C2CD2: variants seen among roughly 807,000 people sequenced by gnomAD.
The protein encoded by C2CD2 is C2 calcium dependent domain containing 2, also known as C2 domain-containing protein 2.
In C2CD2, 43 loss-of-function variants were observed where a neutral mutation model predicts 74.3. The ratio of observed to expected loss-of-function variants is 0.58; its 90% CI spans 0.45 to 0.75. The LOEUF (loss-of-function observed/expected upper bound fraction) is 0.75. Among genes scored for constraint, C2CD2 ranks in the 30% least tolerant of loss-of-function variants. The probability of loss-of-function intolerance (pLI) is 0.00; values close to 1 mark genes in which losing one functional copy is unlikely to be tolerated. For synonymous variants in C2CD2, 422 were observed against 390.7 expected, an observed-to-expected ratio of 1.08 and a Z score of -0.94; for missense variants, 801 against 916.3, an observed-to-expected ratio of 0.87 and a Z score of 1.63.
chr21:41,931,426 CTTT>C (rs34326295), intron 2 of C2CD2, among the ~76,000 whole-genome samples: 4 of 135,912 alleles, frequency 2.9e-5, no homozygotes, highest in Admixed American at 7.4e-5. Context: ...AGAAGAGTGT[CTTT>C]TTTTTTTTTT....
chr21:41,942,168 C>A lies in C2CD2; in HGVS notation c.357G>T (p.Val119=). The stretch of plus-strand genomic sequence containing the variant: ...TCACCTTCTCCTCCGCCGACCTGAG[C>A]ACGCTGGAGACCTCCTGCACCACCA... ...LELVVQEVSS[V]LRSAEEKVVV... is the part of the protein sequence containing the mutation. Residue 119 remains valine (V), a synonymous_variant, in exon 2 of 14, where the codon GTG becomes GTT. Transcript: ENST00000380486. 2 of 1,549,472 alleles carry A rather than the reference C, an allele frequency of 1.3e-6. No homozygotes were observed. The highest frequency in any genetic ancestry group is 1.7e-6 in the Non-Finnish European group (2 of 1,146,810).
rs1476696145 is a variant in C2CD2, at chr21:41,903,607, G to A, written c.1433-1858C>T. 6.6e-6 allele frequency among the ~76,000 whole-genome samples: 1 copy of A among 152,206 alleles called. No individual in the cohort carries two copies. The highest frequency in any genetic ancestry group is 2.4e-5 in the African/African-American group (1 of 41,448). On this transcript the variant is annotated intron_variant, in intron 11 of 13. Coordinates refer to ENST00000380486, the MANE Select transcript of C2CD2 (RefSeq NM_015500.2). The surrounding 1 kb of genome is among the most constrained non-coding windows in gnomAD (Gnocchi z 4.5). ...TGAGAAGAGAGAAGTGCTGGAGAAA[G>A]GAGTTGGGGAGGACTCCTTAGGAGA...
chr21:41,907,014 C>T lies in C2CD2; in HGVS notation c.1296G>A (p.Gly432=), dbSNP rs1228721053. ...CACCAGAGCTCAGCGGGGACGCCCTCCCCACGTCGACGCGAGGCTTGGTCT... is the reference window on the plus strand; with the variant it reads ...CACCAGAGCTCAGCGGGGACGCCCTTCCCACGTCGACGCGAGGCTTGGTCT... ...AVKTKPRVDV[G]RASPLSSDSP... The change falls in exon 10 of 14, where the codon GGG becomes GGA. Residue 432 remains glycine (G), a synonymous_variant. Coordinates refer to ENST00000380486, the MANE Select transcript of C2CD2 (RefSeq NM_015500.2). 2.5e-6 allele frequency: 4 copies of T among 1,613,792 alleles called. No homozygotes were observed. Among genetic ancestry groups the T allele is most frequent in the African/African-American group, 2.7e-5 (2 of 74,886 alleles).
At position 41,923,773 on chromosome 21, in the gene C2CD2, A is replaced by T. The variant is rs539735810; in HGVS notation, c.379-1688T>A. Among the ~76,000 whole-genome samples the T allele has an allele frequency of 5.8e-4, 88 of 152,272 alleles. No homozygotes were observed. Among genetic ancestry groups the T allele is most frequent in the African/African-American group, 2.1e-3 (87 of 41,530 alleles). On this transcript the variant is annotated intron_variant, in intron 2 of 13. Coordinates refer to ENST00000380486, the MANE Select transcript of C2CD2 (RefSeq NM_015500.2). The surrounding 1 kb of genome is among the most constrained non-coding windows in gnomAD (Gnocchi z 5.8). ...GAGAGAGATCTAGTTTCTGCCACAG[A>T]TTCCTCTACAGAAGCTGATGTAGAA...
In C2CD2 at chr21:41,896,971, C is replaced by A. The variant is rs151244307; in HGVS notation, c.1870+2082G>T. On this transcript the variant is annotated intron_variant, in intron 13 of 13. Coordinates refer to ENST00000380486, the MANE Select transcript of C2CD2 (RefSeq NM_015500.2). The stretch of plus-strand genomic sequence containing the variant: ...GGTAGGGGCGCAGGAGTGAAACGCA[C>A]GGCACGGCTGAGCCTCTCTGCTGCA... Among the ~76,000 whole-genome samples the A allele has an allele frequency of 7.3e-3, 1,107 of 152,322 alleles. 18 individuals carry two copies. Among genetic ancestry groups the A allele is most frequent in the African/African-American group, 0.025 (1,022 of 41,574 alleles).
intron 9 of C2CD2, 22 bp downstream of exon 9, chr21:41,907,638 G>A (rs368134887): frequency 1.1e-4 from 184 of 1,601,294 alleles, no homozygotes; most frequent in Non-Finnish European, 1.4e-4. Context: ...GAACCCGGCC[G>A]CGGCGGACAG....
intron 6 of C2CD2, among the ~76,000 whole-genome samples, 156 bp downstream of exon 6, chr21:41,914,442 G>A (rs111875643): frequency 6.6e-6 from 1 of 152,052 alleles, no homozygotes. Flanking sequence ...TCTTGTTCCC[G>A]TTACATTTTC....
At chr21:41,897,105 T>A (rs533389214) in intron 13 of C2CD2, among the ~76,000 whole-genome samples, 68 of 152,204 alleles carry the variant, frequency 4.5e-4, no homozygotes, top group Non-Finnish European at 8.7e-4. Flanking sequence ...GGACCCCTCA[T>A]CCACCTGGCC....
intron 2 of C2CD2, among the ~76,000 whole-genome samples, chr21:41,941,607 A>G (rs2065354856): frequency 6.6e-6 from 1 of 152,262 alleles, no homozygotes; most frequent in Non-Finnish European, 1.5e-5. Context: ...CAGATATCAG[A>G]TGTCCTGAGA....
At chr21:41,942,942 G>A (rs2065367545) in intron 1 of C2CD2, 1 of 984,360 alleles carries the variant, frequency 1.0e-6, no homozygotes, top group Non-Finnish European at 1.2e-6. Flanking sequence ...GGCTCTGCAT[G>A]TTCCCCCAGC....
chr21:41,926,285 A>T lies in C2CD2; in HGVS notation c.379-4200T>A, dbSNP rs977139744. The T allele has an allele frequency of 5.6e-6, 1 of 178,598 alleles. No individual in the cohort carries two copies. The highest frequency in any genetic ancestry group is 2.4e-5 in the African/African-American group (1 of 41,936). The allele number at this position is 178,598 out of a possible 1,614,324, so 11.1% of individuals were successfully genotyped here. ...TGAAAATCAAGCAACAGAAGGGTGAACTTTGTATTCCAAATAAACAGCTTC... is the reference window on the plus strand; with the variant it reads ...TGAAAATCAAGCAACAGAAGGGTGATCTTTGTATTCCAAATAAACAGCTTC... On this transcript the variant is annotated intron_variant, in intron 2 of 13. Coordinates refer to ENST00000380486, the MANE Select transcript of C2CD2 (RefSeq NM_015500.2). The surrounding 1 kb of genome is among the most constrained non-coding windows in gnomAD (Gnocchi z 8.0).
In C2CD2 at chr21:41,948,870, CTTTT is replaced by C. The variant is rs967927171; in HGVS notation, c.279+4496_279+4499del. Among the ~76,000 whole-genome samples the C allele has an allele frequency of 5.9e-3, 475 of 80,716 alleles. 3 individuals carry two copies. The highest frequency in any genetic ancestry group is 0.019 in the African/African-American group (447 of 23,108). 53.0% of individuals were successfully genotyped at this position (80,716 alleles called of 152,430 possible). Reference sequence around the variant, plus strand: ...AATATGTTCCAAGTCCACACAGCATCTTTTTTTTTTTTTTTTTTTTTTCTTTTTT... The same window carrying C: ...AATATGTTCCAAGTCCACACAGCATCTTTTTTTTTTTTTTTTTTCTTTTTT... On this transcript the variant is annotated intron_variant, in intron 1 of 13. Coordinates refer to ENST00000380486, the MANE Select transcript of C2CD2 (RefSeq NM_015500.2).
intron 6 of C2CD2, among the ~76,000 whole-genome samples, chr21:41,913,759 G>A (rs544882691): frequency 4.9e-4 from 75 of 152,286 alleles, no homozygotes; most frequent in Non-Finnish European, 9.0e-4. Flanking sequence ...ATGGAGTCGC[G>A]CTGTAAAGAG....
chr21:41,953,256 G>T (rs986822454), intron 1 of C2CD2, 114 bp downstream of exon 1: 22 of 591,502 alleles, frequency 3.7e-5, no homozygotes, highest in Non-Finnish European at 5.6e-5. Context: ...GCGCTGGGGG[G>T]AGGACTCCCT....
intron 13 of C2CD2, among the ~76,000 whole-genome samples, chr21:41,896,546 CT>C (rs35272942): frequency 6.6e-6 from 1 of 152,076 alleles, no homozygotes; most frequent in Non-Finnish European, 1.5e-5. Context: ...CTTCACTGAT[CT>C]TTTTTTAAAC....
In C2CD2 at chr21:41,946,462, T is replaced by C. The variant is rs185991067; in HGVS notation, c.280-4217A>G. Among the ~76,000 whole-genome samples the C allele has an allele frequency of 6.4e-3, 981 of 152,250 alleles. 8 individuals are homozygous for C. Among genetic ancestry groups the C allele is most frequent in the African/African-American group, 0.022 (918 of 41,550 alleles). On this transcript the variant is annotated intron_variant, in intron 1 of 13. Transcript: ENST00000380486. Reference sequence around the variant, plus strand: ...CTCATGAGATCTGGTTGTTTAAAAGTGTGTAGCACCTCCCGCCTCTTTCTC... The same window carrying C: ...CTCATGAGATCTGGTTGTTTAAAAGCGTGTAGCACCTCCCGCCTCTTTCTC...
Position 41,927,643 on chromosome 21 carries a change from G to T in C2CD2, c.379-5558C>A, listed in dbSNP as rs2065226249. Among the ~76,000 whole-genome samples the T allele has an allele frequency of 3.3e-5, 5 of 152,038 alleles. No individual in the cohort carries two copies. In the South Asian group the frequency reaches 1.0e-3, roughly 32 times the overall value. On this transcript the variant is annotated intron_variant, in intron 2 of 13. Transcript: ENST00000380486. ...GTGCCACCACACCTGGCTAACTTTT[G>T]TATTTTTAGTAGAGACGGGGTTTCA...
At position 41,889,304 on chromosome 21, in the gene C2CD2, C is replaced by T. The variant is rs776135156; in HGVS notation, c.1911G>A (p.Arg637=). 1 of 1,614,062 alleles carries T rather than the reference C, an allele frequency of 6.2e-7. No homozygotes were observed. The highest frequency in any genetic ancestry group is 8.5e-7 in the Non-Finnish European group (1 of 1,180,008). Residue 637 remains arginine, a synonymous_variant, in exon 14 of 14, where the codon CGG becomes CGA. Transcript: ENST00000380486. The stretch of plus-strand genomic sequence containing the variant: ...TGCCTGGGTCTTTCTGTTGATGCCG[C>T]CGGCGGAAGAACAGCTTTGCACCTT... ...LRKGAKLFFR[R]RHQQKDPGMS... is the part of the protein sequence containing the mutation.
chr21:41,943,472 G>A (rs1411060365), intron 1 of C2CD2, among the ~76,000 whole-genome samples: 3 of 152,146 alleles, frequency 2.0e-5, no homozygotes, highest in African/African-American at 7.2e-5. Flanking sequence ...ATCCCAGATC[G>A]AAACTCTCCT....
Sources: gnomAD v4.1 joint callset for allele counts (sites outside exome capture counted in the v4.1 genomes callset) on GRCh38, gnomAD v4.1.1 for gene constraint, Gnocchi (gnomAD v3.1) non-coding constraint, MANE v1.5 for transcripts, NCBI Gene and HGNC (gene_info 2026-07-23, HGNC 2026-07-21) for gene names.